The following MIX23 variants were observed in gnomAD, a reference collection of about 807,000 sequenced individuals.
MIX23 encodes mitochondrial matrix import factor 23.
MIX23 carries 13 observed loss-of-function variants against 21.6 expected under a neutral mutation model. The ratio of observed to expected loss-of-function variants is 0.60; its 90% CI spans 0.39 to 0.96. The LOEUF (loss-of-function observed/expected upper bound fraction) is 0.96, where lower values mean the gene tolerates loss of function less well. Ranked by LOEUF, MIX23 falls within the 40% of genes least tolerant of loss-of-function variation. MIX23 has a pLI of 0.00. For synonymous variants in MIX23, 59 were observed against 58.0 expected (o/e 1.02, Z -0.08); for missense variants, 144 against 171.2 (o/e 0.84, Z 0.89).
At chr3:122,364,736 G>A (rs2075383775) in intron 3 of MIX23, among the ~76,000 whole-genome samples, 2 of 152,080 alleles carry the variant, frequency 1.3e-5, no homozygotes, top group Admixed American at 6.5e-5. Context: ...TGACAAAGAA[G>A]ATTAATGCAA....
chr3:122,359,623 CA>C lies in MIX23; in HGVS notation c.*245del, dbSNP rs759993941. 0.035 allele frequency: 7,963 copies of C among 230,396 alleles called. 59 individuals carry two copies. The highest frequency in any genetic ancestry group is 0.052 in the Middle Eastern group (42 of 808). The allele number at this position is 230,396 out of a possible 1,614,324, so 14.3% of individuals were successfully genotyped here. A position where few individuals can be genotyped will look rare whatever the true frequency, so the allele number is the denominator to read the frequency against. ...AGTCAGAAAATTATTTTAATAGTTA[CA>C]AAAATTTTTTTTTTTTTTTTTTACA... On this transcript the variant is annotated 3_prime_UTR_variant, in exon 5 of 5. Coordinates refer to ENST00000291458, the MANE Select transcript of MIX23 (RefSeq NM_001017928.4).
chr3:122,362,813 A>ACCCCCC (rs2075368221), intron 4 of MIX23, among the ~76,000 whole-genome samples, 155 bp downstream of exon 4: 6 of 140,812 alleles, frequency 4.3e-5, no homozygotes, highest in Non-Finnish European at 6.1e-5. Context: ...CCTCCCCCCA[A>ACCCCCC]CCCCAAAAGG....
At chr3:122,381,728 T>TAAAAAAAAAAAAAAA (rs55955834) in intron 1 of MIX23, among the ~76,000 whole-genome samples, 1 of 130,332 alleles carries the variant, frequency 7.7e-6, no homozygotes, top group Non-Finnish European at 1.6e-5. Context: ...AAAAAAAAAA[T>TAAAAAAAAAAAAAAA]AAAAAAAAAA....
intron 4 of MIX23, 140 bp from the exon 5 acceptor site, chr3:122,360,059 C>T: frequency 1.2e-6 from 1 of 837,492 alleles, no homozygotes; most frequent in Non-Finnish European, 1.9e-6. Flanking sequence ...AGAAGAGTTT[C>T]CTCAGCAGTT....
chr3:122,362,606 C>G (rs554098093), intron 4 of MIX23, among the ~76,000 whole-genome samples: 2 of 151,894 alleles, frequency 1.3e-5, no homozygotes, highest in African/African-American at 4.8e-5. Flanking sequence ...CTCAGCCTCC[C>G]GAGTAGCTGG....
chr3:122,379,488 T>C (rs578090966), intron 1 of MIX23, among the ~76,000 whole-genome samples: 2 of 152,256 alleles, frequency 1.3e-5, no homozygotes, highest in East Asian at 1.9e-4. Context: ...CCCTCACACA[T>C]TGTGAGCAAA....
intron 1 of MIX23, among the ~76,000 whole-genome samples, chr3:122,374,691 G>A (rs1559993288): frequency 6.6e-6 from 1 of 152,068 alleles, no homozygotes. Context: ...GCATGTGTCA[G>A]GCACCATTCA....
chr3:122,363,818 C>T (rs58376358), intron 3 of MIX23, among the ~76,000 whole-genome samples: 2,622 of 148,740 alleles, frequency 0.018, 68 homozygotes, highest in East Asian at 0.088. Context: ...TAGCCAATTC[C>T]ATTGCCAGGC....
chr3:122,368,120 T>C lies in MIX23; in HGVS notation c.324+56A>G. On this transcript the variant is annotated intron_variant, in intron 3 of 4. Transcript: ENST00000291458. ...AATTTTCATATTAAAAATCTTACTT[T>C]GAAGGCTACAATTGGAAAAACTTTG... is the stretch of plus-strand genomic sequence containing the variant. 3.2e-6 allele frequency: 5 copies of C among 1,559,240 alleles called. No homozygotes were observed. In the South Asian group the frequency reaches 4.6e-5, roughly 14 times the overall value.
intron 4 of MIX23, among the ~76,000 whole-genome samples, chr3:122,360,409 A>T (rs1055468906): frequency 6.6e-6 from 1 of 152,212 alleles, no homozygotes; most frequent in African/African-American, 2.4e-5. Context: ...CAAGGGAAAA[A>T]AAAGTGTGAA....
chr3:122,364,853 C>A (rs878899940), intron 3 of MIX23, among the ~76,000 whole-genome samples: 16 of 152,128 alleles, frequency 1.1e-4, no homozygotes, highest in Admixed American at 4.6e-4. Flanking sequence ...ACATGCCCCC[C>A]AGAAATAAGA....
intron 1 of MIX23, among the ~76,000 whole-genome samples, chr3:122,379,590 A>G (rs1040127487): frequency 1.3e-5 from 2 of 152,230 alleles, no homozygotes; most frequent in African/African-American, 2.4e-5. Context: ...CTTAGCCCCA[A>G]TGGCATACAC....
intron 3 of MIX23, among the ~76,000 whole-genome samples, chr3:122,364,563 C>T (rs1576230401): frequency 6.6e-6 from 1 of 152,282 alleles, no homozygotes; most frequent in Admixed American, 6.5e-5. Flanking sequence ...AGAAGCAGTA[C>T]TTATATATCA....
chr3:122,362,904 T>C, intron 4 of MIX23, 64 bp downstream of exon 4: 1 of 1,333,320 alleles, frequency 7.5e-7, no homozygotes, highest in Non-Finnish European at 1.1e-6. Flanking sequence ...CCCCCTCCCT[T>C]GGTTTCCCTT....
At chr3:122,377,140 C>T (rs1403229604) in intron 1 of MIX23, among the ~76,000 whole-genome samples, 1 of 152,200 alleles carries the variant, frequency 6.6e-6, no homozygotes, top group Non-Finnish European at 1.5e-5. Context: ...GAGATCACGC[C>T]ACTGTACTCC....
chr3:122,381,752 G>A (rs1438892701), intron 1 of MIX23, among the ~76,000 whole-genome samples: 1 of 151,446 alleles, frequency 6.6e-6, no homozygotes, highest in Non-Finnish European at 1.5e-5. Flanking sequence ...AAAAGAAGAG[G>A]AGGAAGAGAT....
intron 3 of MIX23, 35 bp from the exon 4 acceptor site, chr3:122,363,062 T>TA: frequency 6.4e-7 from 1 of 1,562,530 alleles, no homozygotes; most frequent in Non-Finnish European, 8.7e-7. Context: ...TTATAAAATT[T>TA]AAAGAGCAAG....
intron 1 of MIX23, among the ~76,000 whole-genome samples, chr3:122,381,392 G>T (rs552955584): frequency 6.6e-6 from 1 of 152,156 alleles, no homozygotes; most frequent in Non-Finnish European, 1.5e-5. Context: ...AGGTCATAAG[G>T]GTGGGCCCTA....
At chr3:122,369,646 A>G (rs1045316683) in intron 2 of MIX23, among the ~76,000 whole-genome samples, 1 of 152,254 alleles carries the variant, frequency 6.6e-6, no homozygotes. Flanking sequence ...CCAAAACAGA[A>G]GAGTTCTAAA....
Sources: gnomAD v4.1 joint callset for allele counts (sites outside exome capture counted in the v4.1 genomes callset) on GRCh38, gnomAD v4.1.1 for gene constraint, MANE v1.5 for transcripts, NCBI Gene and HGNC (gene_info 2026-07-23, HGNC 2026-07-21) for gene names.